Variants in OR4M1 observed in about 807,000 individuals in gnomAD.
OR4M1 encodes the protein olfactory receptor family 4 subfamily M member 1.
OR4M1 carries 7 observed loss-of-function variants against 9.8 expected under a neutral mutation model. The ratio of observed to expected loss-of-function variants is 0.71; its 90% CI spans 0.41 to 1.34. The LOEUF is 1.34. Among genes scored for constraint, OR4M1 ranks in the 40% most tolerant of loss-of-function variants. The probability of loss-of-function intolerance (pLI) is 0.01; values close to 1 mark genes in which losing one functional copy is unlikely to be tolerated. For missense variants in OR4M1, 331 were observed against 380.4 expected (o/e 0.87, Z 1.08); for synonymous variants, 121 against 139.8 (o/e 0.87, Z 0.95).
chr14:19,780,755 G>A lies in OR4M1; in HGVS notation c.433G>A (p.Val145Met), dbSNP rs766785644. 5 of 1,614,208 alleles carry A rather than the reference G, an allele frequency of 3.1e-6. No homozygotes were observed. The highest frequency in any genetic ancestry group is 1.3e-5 in the African/African-American group (1 of 75,042). The change falls in exon 2 of 2, where the codon GTG becomes ATG. Residue 145 changes from valine to methionine, a missense_variant. Transcript: ENST00000641200. Reference sequence around the variant, plus strand: ...GAATCGACGTCTCTGCTGTATCCTGGTGGCTCTCTCCTGGATGGGGGGCTT... The same window carrying A: ...GAATCGACGTCTCTGCTGTATCCTGATGGCTCTCTCCTGGATGGGGGGCTT... ...IMNRRLCCIL[V>M]ALSWMGGFIH...
intron 1 of OR4M1, among the ~76,000 whole-genome samples, chr14:19,775,780 T>C (rs1483410195): frequency 1.4e-5 from 2 of 147,696 alleles, no homozygotes; most frequent in Non-Finnish European, 3.0e-5. Flanking sequence ...TTTAATAACA[T>C]ATTAAAGTAT....
At position 19,780,716 on chromosome 14, in the gene OR4M1, T is replaced by C. The variant is rs753527485; in HGVS notation, c.394T>C (p.Tyr132His). 1.9e-6 allele frequency: 3 copies of C among 1,614,122 alleles called. No individual in the cohort carries two copies. In the African/African-American group the frequency reaches 4.0e-5, roughly 22 times the overall value. Residue 132 changes from tyrosine to histidine, a missense_variant, in exon 2 of 2, where the codon TAT (tyrosine) becomes CAT (histidine). This residue lies in a region of OR4M1 where 209 missense variants were observed against 200.0 expected (regional missense o/e 1.04). Transcript: ENST00000641200. ...RYAAICRPLH[Y>H]ATIMNRRLCC... ...TGCTGCTATCTGCCGACCCCTCCAC[T>C]ATGCTACCATCATGAATCGACGTCT...
intron 1 of OR4M1, among the ~76,000 whole-genome samples, chr14:19,775,464 C>A (rs1594375594): frequency 6.6e-6 from 1 of 151,540 alleles, no homozygotes; most frequent in South Asian, 2.1e-4. Context: ...AATTTATGAA[C>A]CTCATCATTC....
At chr14:19,775,928 G>A (rs1723188741) in intron 1 of OR4M1, among the ~76,000 whole-genome samples, 1 of 151,776 alleles carries the variant, frequency 6.6e-6, no homozygotes, top group Non-Finnish European at 1.5e-5. Flanking sequence ...TTTACTGTGG[G>A]CAACGATGCA....
rs1476615222 is a variant in OR4M1, at chr14:19,781,450, T to A, written c.*186T>A. 2 of 608,786 alleles carry A rather than the reference T, an allele frequency of 3.3e-6. No individual in the cohort carries two copies. The highest frequency in any genetic ancestry group is 3.7e-5 in the African/African-American group (2 of 53,406). 37.7% of individuals were successfully genotyped at this position (608,786 alleles called of 1,614,324 possible). On this transcript the variant is annotated 3_prime_UTR_variant, in exon 2 of 2. Coordinates refer to ENST00000641200, the MANE Select transcript of OR4M1 (RefSeq NM_001005500.2). ...GGCATTAAGATGAAAATAAATTTAC[T>A]CACACCTACCCTGAAATTCCAGGCA...
chr14:19,775,383 T>C (rs1288372575), intron 1 of OR4M1, among the ~76,000 whole-genome samples: 1 of 152,112 alleles, frequency 6.6e-6, no homozygotes, highest in Non-Finnish European at 1.5e-5. Context: ...CCAGAGGCTA[T>C]ATTTCCCAGC....
In OR4M1 at chr14:19,780,335, A is replaced by C. The variant is rs1359482474; in HGVS notation, c.13A>C (p.Asn5His). The C allele has an allele frequency of 5.6e-6, 9 of 1,609,390 alleles. No individual in the cohort carries two copies. The highest frequency in any genetic ancestry group is 7.6e-6 in the Non-Finnish European group (9 of 1,178,436). The change falls in exon 2 of 2, where the codon AAT (asparagine) becomes CAT (histidine). Residue 5 changes from asparagine (N) to histidine (H), a missense_variant. By Grantham distance (68) the Asn-to-His change is moderately conservative. Coordinates refer to ENST00000641200, the MANE Select transcript of OR4M1 (RefSeq NM_001005500.2). META[N>H]YTKVTEFVLT... ...GTAAATTGAAGAAATGGAAACTGCA[A>C]ATTACACCAAGGTGACAGAATTTGT...
chr14:19,781,506 A>C lies in OR4M1; in HGVS notation c.*242A>C, dbSNP rs1158441356. 2.0e-5 allele frequency: 10 copies of C among 488,092 alleles called. No individual in the cohort carries two copies. Among genetic ancestry groups the C allele is most frequent in the Non-Finnish European group, 2.9e-5 (8 of 279,202 alleles). 30.2% of individuals were successfully genotyped at this position (488,092 alleles called of 1,614,324 possible). On this transcript the variant is annotated 3_prime_UTR_variant, in exon 2 of 2. Coordinates refer to ENST00000641200, the MANE Select transcript of OR4M1 (RefSeq NM_001005500.2). ...TTATTAGAATTTGAGATATAATAATAATCTGCTAAAGTACATTTTAACTAA... is the reference window on the plus strand; with the variant it reads ...TTATTAGAATTTGAGATATAATAATCATCTGCTAAAGTACATTTTAACTAA...
At chr14:19,775,421 C>A (rs1878280245) in intron 1 of OR4M1, among the ~76,000 whole-genome samples, 1 of 152,028 alleles carries the variant, frequency 6.6e-6, no homozygotes, top group Admixed American at 6.6e-5. Context: ...CTGCAGGCTG[C>A]AACTCTATGA....
intron 1 of OR4M1, 91 bp from the exon 2 acceptor site, chr14:19,780,203 G>C: frequency 8.8e-7 from 1 of 1,138,394 alleles, no homozygotes; most frequent in Non-Finnish European, 1.2e-6. Context: ...TAATCTGTTA[G>C]TGACAGAAAA....
Position 19,780,552 on chromosome 14 carries a change from CA to C in OR4M1, c.231del (p.Ala78ProfsTer6), listed in dbSNP as rs770717415. On this transcript the variant is annotated frameshift_variant, in exon 2 of 2. Transcript: ENST00000641200. LOFTEE classifies it high-confidence loss of function. ...ALLDIWYSSI[T>X]APKMLIDFFV... ...CTTGATATTTGGTACTCTTCCATTA[CA>C]GCCCCTAAAATGCTCATAGACTTCT... 5 of 1,614,242 alleles carry C rather than the reference CA, an allele frequency of 3.1e-6. No homozygotes were observed. The highest frequency in any genetic ancestry group is 3.3e-5 in the Admixed American group (2 of 60,036).
Position 19,780,662 on chromosome 14 carries a change from T to A in OR4M1, c.340T>A (p.Leu114Met), listed in dbSNP as rs758980042. 6.2e-7 allele frequency: 1 copy of A among 1,614,144 alleles called. No individual in the cohort carries two copies. The highest frequency in any genetic ancestry group is 1.3e-5 in the African/African-American group (1 of 74,948). The change falls in exon 2 of 2, where the codon TTG (leucine) becomes ATG (methionine). Residue 114 changes from leucine (L) to methionine (M), a missense_variant. Physicochemically the swap from Leu to Met is conservative, Grantham distance 15. This residue lies in a region of OR4M1 where 209 missense variants were observed against 200.0 expected (regional missense o/e 1.04). Coordinates refer to ENST00000641200, the MANE Select transcript of OR4M1 (RefSeq NM_001005500.2). ...LHFVGASEMFLLTVMAYDRYA... is the reference protein window; with the variant it reads ...LHFVGASEMFMLTVMAYDRYA... The stretch of plus-strand genomic sequence containing the variant: ...CTTTGTTGGGGCTTCGGAGATGTTC[T>A]TGCTCACAGTGATGGCCTATGACCG...
intron 1 of OR4M1, among the ~76,000 whole-genome samples, chr14:19,778,332 G>A (rs1337827017): frequency 6.6e-6 from 1 of 152,216 alleles, no homozygotes; most frequent in Admixed American, 6.5e-5. Context: ...GTATGGAGTA[G>A]AGCAGAGGAG....
Position 19,782,688 on chromosome 14 carries a change from C to T in OR4M1, c.*1424C>T, listed in dbSNP as rs1449736412. 2 of 152,190 alleles carry T rather than the reference C, an allele frequency of 1.3e-5. No individual in the cohort carries two copies. Among genetic ancestry groups the T allele is most frequent in the African/African-American group, 4.8e-5 (2 of 41,460 alleles). 9.4% of individuals were successfully genotyped at this position (152,190 alleles called of 1,614,324 possible). A position where few individuals can be genotyped will look rare whatever the true frequency, so the allele number is the denominator to read the frequency against. ...TTTGGGAATTTTTCCTTATGGTGAC[C>T]TTCTTCGATCTTCAATGCTACGTTA... is the stretch of plus-strand genomic sequence containing the variant. On this transcript the variant is annotated 3_prime_UTR_variant, in exon 2 of 2. Transcript: ENST00000641200.
At chr14:19,773,990 A>T (rs1878240135) in intron 1 of OR4M1, among the ~76,000 whole-genome samples, 1 of 152,138 alleles carries the variant, frequency 6.6e-6, no homozygotes, top group Non-Finnish European at 1.5e-5. Context: ...GAATCCCTTT[A>T]CTCCTGAAAG....
At chr14:19,777,011 T>TATAC (rs1878332062) in intron 1 of OR4M1, among the ~76,000 whole-genome samples, 1 of 96,012 alleles carries the variant, frequency 1.0e-5, no homozygotes, top group Non-Finnish European at 2.3e-5. Flanking sequence ...TTAAGCCATA[T>TATAC]ATATATATAT....
chr14:19,781,201 CAA>C lies in OR4M1; in HGVS notation c.880_881del (p.Lys294GlyfsTer17). 1.9e-6 allele frequency: 3 copies of C among 1,614,026 alleles called. No individual in the cohort carries two copies. The South Asian group carries it at 3.3e-5, about 18-fold the overall frequency. On this transcript the variant is annotated frameshift_variant, in exon 2 of 2. Coordinates refer to ENST00000641200, the MANE Select transcript of OR4M1 (RefSeq NM_001005500.2). LOFTEE classifies it high-confidence loss of function. ...LNPIIYTLRN[K>X]EVKAAMRKVV... ...ATCCCATTATTTACACATTGAGAAACAAGGAAGTAAAGGCAGCCATGAGGAAG... is the reference window on the plus strand; with the variant it reads ...ATCCCATTATTTACACATTGAGAAACGGAAGTAAAGGCAGCCATGAGGAAG...
intron 1 of OR4M1, among the ~76,000 whole-genome samples, chr14:19,774,409 A>G (rs760690390): frequency 5.9e-5 from 9 of 152,260 alleles, no homozygotes; most frequent in Non-Finnish European, 1.3e-4. Context: ...ACAAACACAT[A>G]TTGAAGACCA....
At chr14:19,777,252 CT>C (rs34594650) in intron 1 of OR4M1, among the ~76,000 whole-genome samples, 38,341 of 147,290 alleles carry the variant, frequency 0.26, 2,395 homozygotes, top group East Asian at 0.4. Context: ...TGTTCTTATG[CT>C]TCTACTAGTT....
Sources: gnomAD v4.1 joint callset for allele counts (sites outside exome capture counted in the v4.1 genomes callset) on GRCh38, gnomAD v4.1.1 for gene constraint, gnomAD v4.1.1 regional missense constraint, MANE v1.5 for transcripts, NCBI Gene and HGNC (gene_info 2026-07-23, HGNC 2026-07-21) for gene names.